Variants in UGT1A10 observed in about 807,000 individuals in gnomAD.
UGT1A10 encodes UDP glucuronosyltransferase family 1 member A10.
In UGT1A10, 49 loss-of-function variants were observed where a neutral mutation model predicts 45.8. The observed-to-expected ratio is 1.07, with a 90% CI of 0.85 to 1.36. UGT1A10 has a LOEUF of 1.36. UGT1A10 is among the 40% of genes most tolerant of loss of function. The pLI, the probability that UGT1A10 is intolerant of heterozygous loss-of-function variation, is 0.00. For synonymous variants in UGT1A10, 284 were observed against 249.7 expected, an observed-to-expected ratio of 1.14 and a Z score of -1.29; for missense variants, 745 against 668.6, an observed-to-expected ratio of 1.11 and a Z score of -1.26.
intron 1 of UGT1A10, chr2:233,713,366 T>C (rs2076312897): frequency 1.2e-6 from 2 of 1,614,198 alleles, no homozygotes; most frequent in Non-Finnish European, 1.7e-6. Flanking sequence ...TGATCATACA[T>C]AGGTCTTGTG....
chr2:233,681,187 C>T lies in UGT1A10; in HGVS notation c.855+43810C>T, dbSNP rs1386854804. On this transcript the variant is annotated intron_variant, in intron 1 of 4. Coordinates refer to ENST00000344644, the MANE Select transcript of UGT1A10 (RefSeq NM_019075.4). ...AACGCTAAGACCCTTGCTCTCTTTC[C>T]GTCGAACATGAGATGCCAATTTCTT... 5.3e-5 allele frequency among the ~76,000 whole-genome samples: 8 copies of T among 151,936 alleles called. No individual in the cohort carries two copies. In the East Asian group the frequency reaches 7.9e-4, roughly 15 times the overall value.
intron 1 of UGT1A10, chr2:233,760,455 A>T (rs2125984333): frequency 6.2e-7 from 1 of 1,614,200 alleles, no homozygotes; most frequent in Non-Finnish European, 8.5e-7. Context: ...GGGGACATGA[A>T]ATAGTTGTCC....
At chr2:233,732,602 G>T (rs1447005275) in intron 1 of UGT1A10, among the ~76,000 whole-genome samples, 1 of 152,210 alleles carries the variant, frequency 6.6e-6, no homozygotes, top group Non-Finnish European at 1.5e-5. Flanking sequence ...GTTTGTCAAA[G>T]ATCAAATGGT....
intron 1 of UGT1A10, among the ~76,000 whole-genome samples, chr2:233,723,516 C>CTTT (rs1162916866): frequency 1.9e-4 from 16 of 85,394 alleles, no homozygotes; most frequent in African/African-American, 7.3e-4. Context: ...GGTCAACAAT[C>CTTT]TTTTTTTTTT....
At chr2:233,758,140 G>C (rs572849917) in intron 1 of UGT1A10, among the ~76,000 whole-genome samples, 1 of 152,156 alleles carries the variant, frequency 6.6e-6, no homozygotes, top group African/African-American at 2.4e-5. Context: ...GGCAGATGAG[G>C]GAATTAGCAA....
chr2:233,700,944 C>T (rs1396267587), intron 1 of UGT1A10, among the ~76,000 whole-genome samples: 1 of 151,988 alleles, frequency 6.6e-6, no homozygotes, highest in Non-Finnish European at 1.5e-5. Flanking sequence ...TGTTCAATTC[C>T]CACCTATGAG....
At chr2:233,760,104 A>T in intron 1 of UGT1A10, 1 of 1,171,464 alleles carries the variant, frequency 8.5e-7, no homozygotes, top group Non-Finnish European at 1.2e-6. Flanking sequence ...GTTGCCTATT[A>T]AGAAACCTAA....
intron 1 of UGT1A10, among the ~76,000 whole-genome samples, chr2:233,681,530 CA>C (rs747693860): frequency 0.045 from 3,524 of 77,680 alleles, 72 homozygotes; most frequent in African/African-American, 0.14. Context: ...GACTCCATCT[CA>C]AAAAAAAAAA....
At chr2:233,681,994 C>T in intron 1 of UGT1A10, 1 of 1,614,172 alleles carries the variant, frequency 6.2e-7, no homozygotes, top group South Asian at 1.1e-5. Context: ...TACTGCTGAC[C>T]TGTGGCTTTG....
chr2:233,690,597 A>G, intron 1 of UGT1A10: 1 of 1,289,586 alleles, frequency 7.8e-7, no homozygotes, highest in East Asian at 5.5e-5. Context: ...AGAAAAAAAA[A>G]AAATCGGCCT....
chr2:233,696,858 T>C (rs1432806664), intron 1 of UGT1A10, among the ~76,000 whole-genome samples: 1 of 152,170 alleles, frequency 6.6e-6, no homozygotes, highest in Admixed American at 6.5e-5. Flanking sequence ...TTGTTGAATG[T>C]TTTTTCAGCA....
intron 1 of UGT1A10, among the ~76,000 whole-genome samples, chr2:233,749,048 G>A (rs971620112): frequency 1.8e-4 from 27 of 151,634 alleles, no homozygotes; most frequent in African/African-American, 6.3e-4. Context: ...GTGGTACTCT[G>A]GGACCTGAAT....
chr2:233,729,271 C>A, intron 1 of UGT1A10: 1 of 1,614,166 alleles, frequency 6.2e-7, no homozygotes, highest in Non-Finnish European at 8.5e-7. Context: ...GGAGGTCTTG[C>A]GGGAGCTCCA....
At chr2:233,761,090 T>A in intron 1 of UGT1A10, 1 of 1,614,218 alleles carries the variant, frequency 6.2e-7, no homozygotes, top group Admixed American at 1.7e-5. Flanking sequence ...CCTAGGCCCA[T>A]CATGCCCAAT....
At chr2:233,736,679 G>C (rs2078792170) in intron 1 of UGT1A10, among the ~76,000 whole-genome samples, 1 of 152,134 alleles carries the variant, frequency 6.6e-6, no homozygotes, top group African/African-American at 2.4e-5. Flanking sequence ...CTTTGATGTT[G>C]GTGACCTACA....
chr2:233,729,652 A>T, intron 1 of UGT1A10: 1 of 1,613,890 alleles, frequency 6.2e-7, no homozygotes, highest in Non-Finnish European at 8.5e-7. Flanking sequence ...TTTGAGGAAC[A>T]TTCCATGTGA....
chr2:233,726,278 A>G (rs548858738), intron 1 of UGT1A10, among the ~76,000 whole-genome samples: 27 of 152,354 alleles, frequency 1.8e-4, no homozygotes, highest in African/African-American at 5.8e-4. Context: ...CTATGGTCCC[A>G]GGTACTTGGG....
At position 233,764,014 on chromosome 2, in the gene UGT1A10, A is replaced by G. The variant is rs28900399; in HGVS notation, c.856-3020A>G. On this transcript the variant is annotated intron_variant, in intron 1 of 4. Transcript: ENST00000344644. ...GATGGTGAAGTCACAGATGACCCACATGGTGTCTAAGTGCTAAAGAAGAAT... is the reference window on the plus strand; with the variant it reads ...GATGGTGAAGTCACAGATGACCCACGTGGTGTCTAAGTGCTAAAGAAGAAT... Among the ~76,000 whole-genome samples the G allele has an allele frequency of 9.6e-3, 1,456 of 152,328 alleles. 29 individuals are homozygous for G. The highest frequency in any genetic ancestry group is 0.033 in the African/African-American group (1,365 of 41,562).
rs576793496 is a variant in UGT1A10 at position 233,672,438 on chromosome 2, C to T, written c.855+35061C>T. ...ATTTCTCCCTCCCCTCCGTGGTCTT[C>T]GCCAGGGGAATACTTTGCCACTATC... On this transcript the variant is annotated intron_variant, in intron 1 of 4. Coordinates refer to ENST00000344644, the MANE Select transcript of UGT1A10 (RefSeq NM_019075.4). The T allele has an allele frequency of 2.0e-5, 32 of 1,613,930 alleles. No homozygotes were observed. In the Admixed American group the frequency reaches 4.2e-4, roughly 21 times the overall value.
Sources: allele counts gnomAD v4.1 joint callset (sites outside exome capture counted in the v4.1 genomes callset), GRCh38; gene constraint gnomAD v4.1.1; transcripts MANE v1.5; gene names NCBI Gene and HGNC (gene_info 2026-07-23, HGNC 2026-07-21).